The following GRM8 variants were observed in gnomAD, a reference collection of about 807,000 sequenced individuals.
GRM8 encodes metabotropic glutamate receptor 8.
A neutral mutation model predicts 87.2 loss-of-function variants in GRM8; 47 were observed. That is an observed-to-expected ratio of 0.54 (90% confidence interval 0.43 to 0.69). GRM8 has a LOEUF of 0.69. GRM8 is among the 30% of genes least tolerant of loss of function. The pLI, the probability that GRM8 is intolerant of heterozygous loss-of-function variation, is 0.00. For synonymous variants in GRM8, 396 were observed against 404.5 expected, an observed-to-expected ratio of 0.98 and a Z score of 0.25; for missense variants, 1,019 against 1,139.2, an observed-to-expected ratio of 0.89 and a Z score of 1.52.
chr7:126,530,131 C>T (rs1814568444), intron 9 of GRM8, among the ~76,000 whole-genome samples: 1 of 152,216 alleles, frequency 6.6e-6, no homozygotes, highest in African/African-American at 2.4e-5. Context: ...TCCTTTATAA[C>T]TTCATTTTAC....
rs187548556 is a variant in GRM8 at position 126,970,780 on chromosome 7, T to C, written c.728-66097A>G. ...ACCAAGCTTCATCATTTCTAGCTTT[T>C]AATTGAAAGACAGAGGTATGAATCT... is the stretch of plus-strand genomic sequence containing the variant. On this transcript the variant is annotated intron_variant, in intron 3 of 10. Coordinates refer to ENST00000339582, the MANE Select transcript of GRM8 (RefSeq NM_000845.3). Among the ~76,000 whole-genome samples the C allele has an allele frequency of 8.5e-5, 13 of 152,252 alleles. No homozygotes were observed. The East Asian group carries it at 2.3e-3, about 27-fold the overall frequency.
intron 3 of GRM8, among the ~76,000 whole-genome samples, chr7:126,982,529 G>A (rs545966342): frequency 1.1e-4 from 17 of 152,162 alleles, no homozygotes; most frequent in African/African-American, 3.4e-4. Context: ...AACTAGAAAC[G>A]CACCAATCCC....
At chr7:126,508,114 C>T (rs1025905719) in intron 9 of GRM8, among the ~76,000 whole-genome samples, 4 of 152,004 alleles carry the variant, frequency 2.6e-5, no homozygotes, top group African/African-American at 9.7e-5. Context: ...TCTACACCTC[C>T]AACTTCAGCT....
chr7:127,100,015 C>G (rs1377900631), intron 3 of GRM8, among the ~76,000 whole-genome samples: 1 of 152,026 alleles, frequency 6.6e-6, no homozygotes, highest in African/African-American at 2.4e-5. Flanking sequence ...TGGAGTGATG[C>G]ATCTACAAGC....
intron 2 of GRM8, among the ~76,000 whole-genome samples, chr7:127,140,761 G>C (rs1038480380): frequency 2.0e-5 from 3 of 152,138 alleles, no homozygotes; most frequent in Non-Finnish European, 4.4e-5. Flanking sequence ...TATTCTGGTA[G>C]TCAGTGTCAA....
At chr7:126,711,415 T>A (rs912564956) in intron 7 of GRM8, among the ~76,000 whole-genome samples, 2 of 152,304 alleles carry the variant, frequency 1.3e-5, no homozygotes, top group South Asian at 4.1e-4. Flanking sequence ...AAATATTCAG[T>A]AAATCATGCT....
intron 2 of GRM8, among the ~76,000 whole-genome samples, chr7:127,128,146 C>T (rs540111816): frequency 1.3e-5 from 2 of 152,230 alleles, no homozygotes; most frequent in Admixed American, 6.5e-5. Context: ...TGTGTAGCTA[C>T]TCACCCAATG....
At chr7:126,580,967 G>GAA (rs35753053) in intron 8 of GRM8, among the ~76,000 whole-genome samples, 9 of 150,358 alleles carry the variant, frequency 6.0e-5, no homozygotes, top group East Asian at 3.9e-4. Flanking sequence ...TAAAAAAATA[G>GAA]AAAAAAAAAC....
intron 9 of GRM8, among the ~76,000 whole-genome samples, chr7:126,468,623 C>T (rs935357481): frequency 1.3e-5 from 2 of 152,070 alleles, no homozygotes; most frequent in African/African-American, 4.8e-5. Context: ...AAAAGCATTG[C>T]TTTGAAAAAT....
intron 7 of GRM8, among the ~76,000 whole-genome samples, chr7:126,739,646 GT>G (rs1486876957): frequency 1.3e-5 from 2 of 151,898 alleles, no homozygotes. Context: ...GAGATTGGTG[GT>G]GATCCTCCCA....
intron 6 of GRM8, among the ~76,000 whole-genome samples, chr7:126,887,785 A>T (rs934618640): frequency 4.6e-5 from 7 of 152,114 alleles, no homozygotes; most frequent in Non-Finnish European, 5.9e-5. Flanking sequence ...TTCATCCCAC[A>T]CACTCAAGCG....
At chr7:126,556,851 T>TAAA (rs1793204176) in intron 8 of GRM8, among the ~76,000 whole-genome samples, 1 of 152,238 alleles carries the variant, frequency 6.6e-6, no homozygotes, top group Admixed American at 6.5e-5. Flanking sequence ...CCATTGTCTT[T>TAAA]AGTTTCTTTC....
At chr7:126,883,591 T>A (rs1417031684) in intron 6 of GRM8, among the ~76,000 whole-genome samples, 1 of 152,166 alleles carries the variant, frequency 6.6e-6, no homozygotes, top group Non-Finnish European at 1.5e-5. Flanking sequence ...GTATCAAGAA[T>A]AATCAAAGTA....
At chr7:127,166,099 C>G (rs931566705) in intron 2 of GRM8, among the ~76,000 whole-genome samples, 36 of 152,150 alleles carry the variant, frequency 2.4e-4, no homozygotes, top group African/African-American at 8.0e-4. Flanking sequence ...TCACCAATGA[C>G]TCCTTTGTAA....
intron 2 of GRM8, among the ~76,000 whole-genome samples, chr7:127,134,565 T>C (rs1397421565): frequency 6.6e-6 from 1 of 152,176 alleles, no homozygotes; most frequent in Admixed American, 6.5e-5. Flanking sequence ...ATGGTCAAAA[T>C]ATTAATAGAA....
chr7:126,641,492 A>G (rs1008146427), intron 7 of GRM8, among the ~76,000 whole-genome samples: 5 of 152,228 alleles, frequency 3.3e-5, no homozygotes, highest in Non-Finnish European at 7.3e-5. Context: ...AGCATGGTGC[A>G]GAGTGGCCCT....
intron 6 of GRM8, among the ~76,000 whole-genome samples, chr7:126,858,870 C>G (rs756396769): frequency 5.3e-5 from 8 of 152,168 alleles, no homozygotes; most frequent in Non-Finnish European, 1.2e-4. Flanking sequence ...TCTTTTGACA[C>G]TCCTTTCTGT....
chr7:127,195,008 T>C (rs2116511224), intron 2 of GRM8, among the ~76,000 whole-genome samples: 1 of 152,212 alleles, frequency 6.6e-6, no homozygotes, highest in East Asian at 1.9e-4. Context: ...GTCGGGCTAT[T>C]TATAGGGATC....
At chr7:127,084,539 C>A (rs1189790832) in intron 3 of GRM8, 1 of 152,164 alleles carries the variant, frequency 6.6e-6, no homozygotes, top group Non-Finnish European at 1.5e-5. Flanking sequence ...TCTGTGGACA[C>A]AAGACCATTG....
Sources: gnomAD v4.1 joint callset for allele counts (sites outside exome capture counted in the v4.1 genomes callset) on GRCh38, gnomAD v4.1.1 for gene constraint, MANE v1.5 for transcripts, NCBI Gene and HGNC (gene_info 2026-07-23, HGNC 2026-07-21) for gene names.